Variants in MMP16 observed in about 807,000 individuals in gnomAD.
MMP16 encodes matrix metalloproteinase-16.
Under a neutral mutation model 67.8 loss-of-function variants are expected in MMP16, and 12 were observed. That is an observed-to-expected ratio of 0.18 (90% CI 0.11 to 0.29). The LOEUF (loss-of-function observed/expected upper bound fraction) is 0.29. Among genes scored for constraint, MMP16 ranks in the 10% least tolerant of loss-of-function variants. The probability of loss-of-function intolerance (pLI) is 1.00; values close to 1 mark genes in which losing one functional copy is unlikely to be tolerated. For missense variants in MMP16, 475 were observed against 765.7 expected (o/e 0.62, Z 4.48); for synonymous variants, 249 against 255.9 (o/e 0.97, Z 0.26).
At chr8:88,243,846 G>A (rs1464512094) in intron 1 of MMP16, among the ~76,000 whole-genome samples, 1 of 151,998 alleles carries the variant, frequency 6.6e-6, no homozygotes, top group Non-Finnish European at 1.5e-5. Flanking sequence ...AATAGTCCTC[G>A]GGTTGCCAGT....
At chr8:88,320,975 G>A (rs1338402981) in intron 1 of MMP16, among the ~76,000 whole-genome samples, 1 of 151,960 alleles carries the variant, frequency 6.6e-6, no homozygotes, top group Non-Finnish European at 1.5e-5. Flanking sequence ...ATCAAATATG[G>A]TTTCATGAAG....
intron 1 of MMP16, among the ~76,000 whole-genome samples, chr8:88,214,264 A>G (rs1429645051): frequency 6.6e-6 from 1 of 152,220 alleles, no homozygotes; most frequent in Non-Finnish European, 1.5e-5. Context: ...ATCTGGCTCC[A>G]AATGCAGGCA....
intron 1 of MMP16, among the ~76,000 whole-genome samples, chr8:88,257,502 GC>G (rs1364273096): frequency 6.6e-6 from 1 of 152,220 alleles, no homozygotes; most frequent in Non-Finnish European, 1.5e-5. Flanking sequence ...GCTGGCATAT[GC>G]CATTCTCCTA....
At chr8:88,292,695 A>T (rs1563586341) in intron 1 of MMP16, among the ~76,000 whole-genome samples, 1 of 152,224 alleles carries the variant, frequency 6.6e-6, no homozygotes, top group Non-Finnish European at 1.5e-5. Flanking sequence ...ACTCACTAGT[A>T]TTCATAAAAA....
chr8:88,070,808 C>A (rs1808539887), intron 7 of MMP16, among the ~76,000 whole-genome samples: 1 of 152,024 alleles, frequency 6.6e-6, no homozygotes, highest in African/African-American at 2.4e-5. Flanking sequence ...TTCTTGATAC[C>A]CAGTGTCTTT....
At chr8:88,279,230 A>AG (rs1284268829) in intron 1 of MMP16, among the ~76,000 whole-genome samples, 1 of 152,086 alleles carries the variant, frequency 6.6e-6, no homozygotes, top group East Asian at 1.9e-4. Context: ...CAAAAAAAAA[A>AG]AAAAAGAAGC....
At position 88,327,359 on chromosome 8, in the gene MMP16, G is replaced by T; in HGVS notation, c.-153C>A. ...CAGCCGGGCAAGGGGAGGAGACAGG[G>T]GCCCCGCGCTCGGCAGCCCCCGAGA... On this transcript the variant is annotated 5_prime_UTR_variant, in exon 1 of 10. Transcript: ENST00000286614. 1.1e-6 allele frequency: 1 copy of T among 947,708 alleles called. No homozygotes were observed. Among genetic ancestry groups the T allele is most frequent in the Non-Finnish European group, 1.6e-6 (1 of 644,418 alleles). 58.7% of individuals were successfully genotyped at this position (947,708 alleles called of 1,614,324 possible).
chr8:88,167,895 A>G lies in MMP16; in HGVS notation c.483T>C (p.Asn161=). The G allele has an allele frequency of 6.2e-7, 1 of 1,614,042 alleles. No homozygotes were observed. Among genetic ancestry groups the G allele is most frequent in the Non-Finnish European group, 8.5e-7 (1 of 1,179,950 alleles). ...CTTCTTCAAATGTCAGAGGAGTTAC[A>G]TTCTGCCACACATCAAAGGCACGGC... ...AIRRAFDVWQ[N]VTPLTFEEVP... The change falls in exon 4 of 10, where the codon AAT becomes AAC. Residue 161 remains asparagine, a synonymous_variant. Transcript: ENST00000286614.
At chr8:88,262,779 A>G (rs932657377) in intron 1 of MMP16, among the ~76,000 whole-genome samples, 1 of 148,236 alleles carries the variant, frequency 6.7e-6, no homozygotes, top group Non-Finnish European at 1.5e-5. Context: ...GAGGCGGGTG[A>G]ATCACAAGGT....
intron 6 of MMP16, among the ~76,000 whole-genome samples, chr8:88,105,050 A>G (rs941463772): frequency 1.3e-5 from 2 of 151,510 alleles, no homozygotes; most frequent in African/African-American, 4.8e-5. Context: ...ACATTCAGTC[A>G]TCATTTACTC....
At chr8:88,198,209 A>G (rs1263843092) in intron 1 of MMP16, among the ~76,000 whole-genome samples, 2 of 152,170 alleles carry the variant, frequency 1.3e-5, no homozygotes, top group East Asian at 3.9e-4. Flanking sequence ...GATGCTTTCC[A>G]GTTTTACAAC....
At chr8:88,118,967 A>T in intron 4 of MMP16, 106 bp from the exon 5 acceptor site, 1 of 1,039,674 alleles carries the variant, frequency 9.6e-7, no homozygotes, top group Non-Finnish European at 1.4e-6. Flanking sequence ...AATAGGAGGT[A>T]CTCTTTCCTT....
At chr8:88,322,325 T>G (rs891220716) in intron 1 of MMP16, among the ~76,000 whole-genome samples, 1 of 152,194 alleles carries the variant, frequency 6.6e-6, no homozygotes, top group Admixed American at 6.6e-5. Flanking sequence ...ATCACATTCT[T>G]GAACTAAACT....
chr8:88,040,691 G>A lies in MMP16; in HGVS notation c.*770C>T, dbSNP rs973637945. 2 of 152,604 alleles carry A rather than the reference G, an allele frequency of 1.3e-5. No individual in the cohort carries two copies. Among genetic ancestry groups the A allele is most frequent in the Non-Finnish European group, 2.9e-5 (2 of 68,042 alleles). 9.5% of individuals were successfully genotyped at this position (152,604 alleles called of 1,614,324 possible). On this transcript the variant is annotated 3_prime_UTR_variant, in exon 10 of 10. Transcript: ENST00000286614. ...AATTAAAAGGTCGTGTTTGAAAATA[G>A]CTATGAATATAAATGCGATGAAACA... is the stretch of plus-strand genomic sequence containing the variant.
intron 1 of MMP16, among the ~76,000 whole-genome samples, chr8:88,268,439 GA>G (rs1810513065): frequency 6.6e-6 from 1 of 152,280 alleles, no homozygotes; most frequent in East Asian, 1.9e-4. Context: ...CAGGCACAAA[GA>G]AGACAAGAAG....
chr8:88,188,654 ATTTTT>A (rs1296976552), intron 2 of MMP16, among the ~76,000 whole-genome samples: 1 of 141,336 alleles, frequency 7.1e-6, no homozygotes, highest in East Asian at 2.0e-4. Flanking sequence ...CAAAGAACAG[ATTTTT>A]TTTTTTTTTT....
chr8:88,278,908 C>T (rs1281239901), intron 1 of MMP16, among the ~76,000 whole-genome samples: 1 of 152,090 alleles, frequency 6.6e-6, no homozygotes, highest in Non-Finnish European at 1.5e-5. Flanking sequence ...CTCCAGGGCA[C>T]ATTTTTGGTC....
chr8:88,068,548 CATATTTTCGT>C (rs1453983945), intron 7 of MMP16, among the ~76,000 whole-genome samples: 2 of 151,784 alleles, frequency 1.3e-5, no homozygotes. Context: ...AGGTTAGGAC[CATATTTTCGT>C]ATAGTACAGG....
Position 88,037,645 on chromosome 8 carries a change from G to T in MMP16, c.*3816C>A, listed in dbSNP as rs1808072331. ...ATGTCAACAGACACTGTTCTGAAAT[G>T]AGTCAATAAATTCACAACCTTATCT... On this transcript the variant is annotated 3_prime_UTR_variant, in exon 10 of 10. Coordinates refer to ENST00000286614, the MANE Select transcript of MMP16 (RefSeq NM_005941.5). 3 of 151,950 alleles carry T rather than the reference G, an allele frequency of 2.0e-5. No homozygotes were observed. The highest frequency in any genetic ancestry group is 2.0e-4 in the Admixed American group (3 of 15,224). 9.4% of individuals were successfully genotyped at this position (151,950 alleles called of 1,614,324 possible). A position where few individuals can be genotyped will look rare whatever the true frequency, so the allele number is the denominator to read the frequency against.
Sources: gnomAD v4.1 joint callset for allele counts (sites outside exome capture counted in the v4.1 genomes callset) on GRCh38, gnomAD v4.1.1 for gene constraint, MANE v1.5 for transcripts, NCBI Gene and HGNC (gene_info 2026-07-23, HGNC 2026-07-21) for gene names.